The following KIF21A variants were observed in gnomAD, a reference collection of about 807,000 sequenced individuals.
KIF21A encodes the protein kinesin family member 21A.
Under a neutral mutation model 202.9 loss-of-function variants are expected in KIF21A, and 114 were observed. The observed-to-expected ratio is 0.56, with a 90% confidence interval of 0.48 to 0.66. The LOEUF (loss-of-function observed/expected upper bound fraction) is 0.66, where lower values mean the gene tolerates loss of function less well. Ranked by LOEUF, KIF21A falls within the 30% of genes least tolerant of loss-of-function variation. The pLI is 0.00. For synonymous variants in KIF21A, 667 were observed against 670.8 expected (o/e 0.99, Z 0.09); for missense variants, 1,677 against 1,994.9 (o/e 0.84, Z 3.04).
chr12:39,433,310 T>G (rs913485898), intron 1 of KIF21A, among the ~76,000 whole-genome samples: 2 of 152,188 alleles, frequency 1.3e-5, no homozygotes, highest in African/African-American at 4.8e-5. Context: ...ATATAAGTTC[T>G]ATTAATGAGT....
At chr12:39,364,782 G>A (rs553233753) in intron 6 of KIF21A, among the ~76,000 whole-genome samples, 9 of 152,058 alleles carry the variant, frequency 5.9e-5, no homozygotes, top group Non-Finnish European at 1.0e-4. Context: ...ACTAAAGGAG[G>A]AATTTATAGT....
intron 16 of KIF21A, among the ~76,000 whole-genome samples, chr12:39,338,297 T>C (rs1393769599): frequency 3.9e-5 from 6 of 152,096 alleles, no homozygotes; most frequent in Non-Finnish European, 7.4e-5. Flanking sequence ...AGAATGATGA[T>C]ATAAAGAAAA....
chr12:39,440,006 G>A (rs1014554823), intron 1 of KIF21A, among the ~76,000 whole-genome samples: 1 of 152,048 alleles, frequency 6.6e-6, no homozygotes, highest in Admixed American at 6.6e-5. Flanking sequence ...AAATGCTTTT[G>A]ATTTTGTATA....
chr12:39,358,192 T>A lies in KIF21A; in HGVS notation c.1201A>T (p.Met401Leu), dbSNP rs1948941362. The A allele has an allele frequency of 6.2e-7, 1 of 1,608,810 alleles. No homozygotes were observed. The highest frequency in any genetic ancestry group is 1.3e-5 in the African/African-American group (1 of 74,838). The change falls in exon 8 of 38, where the codon ATG (methionine) becomes TTG (leucine). Residue 401 changes from methionine (M) to leucine (L), a missense_variant. By Grantham distance (15) the Met-to-Leu change is conservative (BLOSUM62 2). Transcript: ENST00000361418. ...CATTAGCTTACTGTTTTGTACTCCA[T>A]GAGCTCCATCTGAAGTCGTGTGATT... is the stretch of plus-strand genomic sequence containing the variant. ...SEITRLQMEL[M>L]EYKTGKRIID...
At chr12:39,340,448 G>A (rs1260015005) in intron 15 of KIF21A, 84 bp from the exon 16 acceptor site, 3 of 1,030,820 alleles carry the variant, frequency 2.9e-6, no homozygotes, top group African/African-American at 1.6e-5. Context: ...TATCCTAAGA[G>A]AAGAGCTACT....
At chr12:39,333,994 G>A (rs1336561157) in intron 17 of KIF21A, among the ~76,000 whole-genome samples, 2 of 151,936 alleles carry the variant, frequency 1.3e-5, no homozygotes, top group Non-Finnish European at 2.9e-5. Flanking sequence ...TTCAGGTCAG[G>A]AGTTCGAGAC....
chr12:39,322,446 A>T (rs943477593), intron 27 of KIF21A: 3 of 460,530 alleles, frequency 6.5e-6, no homozygotes, highest in Admixed American at 7.4e-5. Context: ...GAATGATCCT[A>T]AAACTTGGAG....
At chr12:39,306,766 A>G (rs1430706822) in intron 34 of KIF21A, among the ~76,000 whole-genome samples, 1 of 152,178 alleles carries the variant, frequency 6.6e-6, no homozygotes, top group African/African-American at 2.4e-5. Context: ...CCTGCCTATA[A>G]TCCGAGCACT....
intron 1 of KIF21A, among the ~76,000 whole-genome samples, chr12:39,398,614 A>C (rs538901822): frequency 3.3e-5 from 5 of 152,302 alleles, no homozygotes; most frequent in African/African-American, 9.6e-5. Flanking sequence ...AGGGTTACAG[A>C]AAGAGAGGGA....
intron 20 of KIF21A, 55 bp downstream of exon 20, chr12:39,332,536 G>A: frequency 7.0e-7 from 1 of 1,425,696 alleles, no homozygotes; most frequent in Non-Finnish European, 9.4e-7. Flanking sequence ...AAAATTGGAA[G>A]AGTAAAATTA....
At chr12:39,303,826 T>C (rs1012207404) in intron 35 of KIF21A, among the ~76,000 whole-genome samples, 18 of 152,138 alleles carry the variant, frequency 1.2e-4, no homozygotes, top group Non-Finnish European at 8.8e-5. Context: ...TGCACTCATC[T>C]CTCTTAGCCC....
intron 1 of KIF21A, among the ~76,000 whole-genome samples, chr12:39,374,357 T>A (rs528973403): frequency 6.6e-6 from 1 of 152,310 alleles, no homozygotes; most frequent in East Asian, 1.9e-4. Context: ...ATAAGATCAT[T>A]AAACACATGC....
rs928049737 is a variant in KIF21A at position 39,416,751 on chromosome 12, A to G, written c.44+26176T>C. On this transcript the variant is annotated intron_variant, in intron 1 of 37. Transcript: ENST00000361418. ...CATATATATGTGTATATATATATGT[A>G]CATATATATGTGTATATATATATGT... Among the ~76,000 whole-genome samples the G allele has an allele frequency of 6.2e-4, 85 of 137,488 alleles. 7 individuals carry two copies. Among genetic ancestry groups the G allele is most frequent in the African/African-American group, 2.3e-3 (84 of 35,796 alleles). The allele number at this position is 137,488 out of a possible 152,430, so 90.2% of individuals were successfully genotyped here.
intron 1 of KIF21A, among the ~76,000 whole-genome samples, chr12:39,373,480 C>A (rs1017702704): frequency 3.3e-5 from 5 of 152,102 alleles, no homozygotes; most frequent in African/African-American, 1.2e-4. Flanking sequence ...TCATTAACTC[C>A]AAGTCTCTGC....
In KIF21A at chr12:39,369,776, T is replaced by G. The variant is rs1442945887; in HGVS notation, c.403A>C (p.Asn135His). 2 of 1,613,052 alleles carry G rather than the reference T, an allele frequency of 1.2e-6. No homozygotes were observed. Among genetic ancestry groups the G allele is most frequent in the Non-Finnish European group, 1.7e-6 (2 of 1,179,676 alleles). Residue 135 changes from asparagine to histidine, a missense_variant, in exon 3 of 38, where the codon AAT (asparagine) becomes CAT (histidine). Physicochemically the swap from Asn to His is moderately conservative, Grantham distance 68 (BLOSUM62 1). Transcript: ENST00000361418. ...IEEKKHIAIKNGLPAPDFKVN... is the reference protein window; with the variant it reads ...IEEKKHIAIKHGLPAPDFKVN... ...TTAAAATCTGGAGCAGGAAGCCCAT[T>G]TTTAATTGCTATGTGTTTTTTTTCT...
At chr12:39,423,434 T>A (rs1954471873) in intron 1 of KIF21A, among the ~76,000 whole-genome samples, 1 of 152,042 alleles carries the variant, frequency 6.6e-6, no homozygotes, top group African/African-American at 2.4e-5. Context: ...CACAGTCTTC[T>A]CCTCGCCACT....
intron 17 of KIF21A, 136 bp from the exon 18 acceptor site, chr12:39,333,416 A>G (rs965462423): frequency 4.4e-6 from 3 of 681,574 alleles, no homozygotes; most frequent in African/African-American, 3.6e-5. Context: ...AACCTTGTAT[A>G]TATTATTACA....
chr12:39,336,254 A>G (rs948692931), intron 17 of KIF21A, among the ~76,000 whole-genome samples: 8 of 152,178 alleles, frequency 5.3e-5, no homozygotes, highest in African/African-American at 1.9e-4. Flanking sequence ...AATCATAACT[A>G]TAATTTTTCA....
At chr12:39,414,339 G>A (rs1953360884) in intron 1 of KIF21A, among the ~76,000 whole-genome samples, 1 of 152,126 alleles carries the variant, frequency 6.6e-6, no homozygotes, top group African/African-American at 2.4e-5. Flanking sequence ...AACCATTAAT[G>A]GTTATTACAT....
Sources: allele counts gnomAD v4.1 joint callset (sites outside exome capture counted in the v4.1 genomes callset), GRCh38; gene constraint gnomAD v4.1.1; transcripts MANE v1.5; gene names NCBI Gene and HGNC (gene_info 2026-07-23, HGNC 2026-07-21).